The following ROR1 variants were observed in gnomAD, a reference collection of about 807,000 sequenced individuals.
ROR1 encodes inactive tyrosine-protein kinase transmembrane receptor ROR1.
In ROR1, 19 loss-of-function variants were observed where a neutral mutation model predicts 78.8. The ratio of observed to expected loss-of-function variants is 0.24; its 90% CI spans 0.17 to 0.35. The LOEUF (loss-of-function observed/expected upper bound fraction) is 0.35. ROR1 is among the 10% of genes least tolerant of loss of function. The pLI is 1.00. For missense variants in ROR1, 917 were observed against 1,177.8 expected, an observed-to-expected ratio of 0.78 and a Z score of 3.24; for synonymous variants, 386 against 433.6, an observed-to-expected ratio of 0.89 and a Z score of 1.36.
At chr1:64,022,945 A>C (rs1260834) in intron 2 of ROR1, among the ~76,000 whole-genome samples, 52,755 of 151,568 alleles carry the variant, frequency 0.35, 9,290 homozygotes, top group South Asian at 0.47. Flanking sequence ...AATAACATTT[A>C]TTTATATAAA....
intron 2 of ROR1, chr1:64,029,076 T>C (rs939777489): frequency 6.6e-6 from 1 of 152,154 alleles, no homozygotes; most frequent in African/African-American, 2.4e-5. Context: ...GTACTAGTTT[T>C]ATGATCATTA....
chr1:64,117,831 T>A (rs1247312149), intron 4 of ROR1, among the ~76,000 whole-genome samples: 1 of 152,206 alleles, frequency 6.6e-6, no homozygotes, highest in South Asian at 2.1e-4. Flanking sequence ...CCACAAGACA[T>A]TCTCAGTCAC....
At chr1:64,050,745 T>C (rs746077882) in intron 4 of ROR1, 29 bp downstream of exon 4, 4 of 1,608,824 alleles carry the variant, frequency 2.5e-6, no homozygotes, top group African/African-American at 1.3e-5. Context: ...TTTCTTGTCA[T>C]TTCTAAGTGT....
chr1:63,893,182 G>A (rs1645411325), intron 1 of ROR1, among the ~76,000 whole-genome samples: 1 of 152,040 alleles, frequency 6.6e-6, no homozygotes, highest in Non-Finnish European at 1.5e-5. Context: ...ACATCTTCTG[G>A]GCACAGTGTC....
In ROR1 at chr1:64,142,631, G is replaced by A. The variant is rs138027299; in HGVS notation, c.1155G>A (p.Leu385=). ...FTLDENFKSD[L]CDIPACDSKD... is the part of the protein sequence containing the mutation. Reference sequence around the variant, plus strand: ...TGGATGAAAACTTTAAGTCTGATCTGTGTGACATCCCAGCGTGCGGTAAAT... The same window carrying A: ...TGGATGAAAACTTTAAGTCTGATCTATGTGACATCCCAGCGTGCGGTAAAT... The change falls in exon 7 of 9, where the codon CTG becomes CTA. Residue 385 remains leucine, a synonymous_variant. Coordinates refer to ENST00000371079, the MANE Select transcript of ROR1 (RefSeq NM_005012.4). The A allele has an allele frequency of 6.4e-4, 1,038 of 1,614,060 alleles. 4 individuals carry two copies. The highest frequency in any genetic ancestry group is 5.8e-3 in the Middle Eastern group (35 of 6,062).
At chr1:63,897,653 A>G (rs1297267869) in intron 1 of ROR1, among the ~76,000 whole-genome samples, 3 of 152,232 alleles carry the variant, frequency 2.0e-5, no homozygotes, top group African/African-American at 7.2e-5. Context: ...CATCAGCAGC[A>G]GAAGGGCAGA....
chr1:63,951,592 G>T (rs886752612), intron 1 of ROR1, among the ~76,000 whole-genome samples: 4 of 152,324 alleles, frequency 2.6e-5, no homozygotes, highest in African/African-American at 9.6e-5. Flanking sequence ...AGGAATGTGT[G>T]TGGGAGGATT....
chr1:64,014,721 A>ATATATATATATATATGTATG (rs200268487), intron 2 of ROR1, among the ~76,000 whole-genome samples: 1 of 55,316 alleles, frequency 1.8e-5, no homozygotes, highest in Non-Finnish European at 3.5e-5. Flanking sequence ...GACTATATAT[A>ATATATATATATATATGTATG]TATATACACA....
At chr1:64,023,347 T>C (rs996293930) in intron 2 of ROR1, among the ~76,000 whole-genome samples, 2 of 152,096 alleles carry the variant, frequency 1.3e-5, no homozygotes, top group East Asian at 1.9e-4. Context: ...TGGGGAAACC[T>C]TGAAAGACCA....
chr1:64,149,813 T>TGCCTAGGTTCACC (rs1553161765), intron 7 of ROR1, among the ~76,000 whole-genome samples: 1 of 152,248 alleles, frequency 6.6e-6, no homozygotes, highest in Admixed American at 6.5e-5. Context: ...CTAGGCACAC[T>TGCCTAGGTTCACC]GCCTAGGTTC....
chr1:63,886,428 C>T (rs1205902262), intron 1 of ROR1, among the ~76,000 whole-genome samples: 10 of 152,112 alleles, frequency 6.6e-5, no homozygotes, highest in Admixed American at 6.6e-4. Flanking sequence ...TTCTTGGGCC[C>T]TGGTATTATG....
intron 2 of ROR1, among the ~76,000 whole-genome samples, chr1:64,020,970 C>T (rs1194119116): frequency 6.6e-6 from 1 of 151,824 alleles, no homozygotes; most frequent in Non-Finnish European, 1.5e-5. Context: ...AAGTTTCTGT[C>T]AAGGCTTCAT....
At chr1:63,972,660 C>G (rs1049457132) in intron 1 of ROR1, among the ~76,000 whole-genome samples, 1 of 152,100 alleles carries the variant, frequency 6.6e-6, no homozygotes, top group Admixed American at 6.6e-5. Flanking sequence ...AAATCCCAAC[C>G]AGGGCAGGTA....
At chr1:64,097,007 A>G (rs1428086883) in intron 4 of ROR1, among the ~76,000 whole-genome samples, 1 of 152,092 alleles carries the variant, frequency 6.6e-6, no homozygotes, top group Non-Finnish European at 1.5e-5. Flanking sequence ...TGACAATGGT[A>G]CAGTCTTATG....
intron 1 of ROR1, among the ~76,000 whole-genome samples, chr1:63,984,765 C>T (rs1323851): frequency 2.0e-5 from 3 of 152,104 alleles, no homozygotes; most frequent in South Asian, 2.1e-4. Flanking sequence ...CTATTCCATG[C>T]GTTGGATAGC....
intron 2 of ROR1, among the ~76,000 whole-genome samples, chr1:64,027,565 T>C (rs1482462332): frequency 1.3e-5 from 2 of 152,206 alleles, no homozygotes; most frequent in South Asian, 2.1e-4. Flanking sequence ...CGGTGTTTTG[T>C]GTCCCAGCAC....
chr1:64,143,717 C>A (rs1177326268), intron 7 of ROR1, among the ~76,000 whole-genome samples: 2 of 152,146 alleles, frequency 1.3e-5, no homozygotes, highest in Non-Finnish European at 2.9e-5. Context: ...GTAGGCATAG[C>A]ACATCCACAA....
Position 63,930,263 on chromosome 1 carries a change from A to T in ROR1, c.92-79042A>T, listed in dbSNP as rs145386782. Among the ~76,000 whole-genome samples, 432 of 152,256 alleles carry T rather than the reference A, an allele frequency of 2.8e-3. 2 individuals are homozygous for T. Among genetic ancestry groups the T allele is most frequent in the African/African-American group, 0.01 (419 of 41,548 alleles). ...CTGCTGTGAACTGACTAAAGTCATT[A>T]TCTGTTCAACAGTGGTCAGGTTCTT... On this transcript the variant is annotated intron_variant, in intron 1 of 8. Transcript: ENST00000371079.
intron 1 of ROR1, among the ~76,000 whole-genome samples, chr1:63,921,451 G>A (rs949286822): frequency 6.6e-6 from 1 of 152,026 alleles, no homozygotes; most frequent in African/African-American, 2.4e-5. Context: ...GGAACATATT[G>A]TCACTTTCAC....
Sources: allele counts gnomAD v4.1 joint callset (sites outside exome capture counted in the v4.1 genomes callset), GRCh38; gene constraint gnomAD v4.1.1; transcripts MANE v1.5; gene names NCBI Gene and HGNC (gene_info 2026-07-23, HGNC 2026-07-21).